Variants in PRKRIP1 observed in about 807,000 individuals in gnomAD.
PRKRIP1 encodes PRKR interacting protein 1, also known as PRKR-interacting protein 1.
A neutral mutation model predicts 29.3 loss-of-function variants in PRKRIP1; 29 were observed. The ratio of observed to expected loss-of-function variants is 0.99; its 90% confidence interval spans 0.74 to 1.35. PRKRIP1 has a LOEUF of 1.35. Ranked by LOEUF, PRKRIP1 falls within the 40% of genes most tolerant of loss-of-function variation. The probability of loss-of-function intolerance (pLI) is 0.00; values close to 1 mark genes in which losing one functional copy is unlikely to be tolerated. For synonymous variants in PRKRIP1, 90 were observed against 85.1 expected, an observed-to-expected ratio of 1.06 and a Z score of -0.32; for missense variants, 247 against 236.8, an observed-to-expected ratio of 1.04 and a Z score of -0.28.
chr7:102,409,710 T>C (rs1481893941), intron 5 of PRKRIP1, among the ~76,000 whole-genome samples: 2 of 151,418 alleles, frequency 1.3e-5, no homozygotes, highest in Admixed American at 6.6e-5. Context: ...TGTCGTCCTA[T>C]CTAGTCTGGA....
In PRKRIP1 at chr7:102,423,070, A is replaced by G. The variant is rs117857127; in HGVS notation, c.458-1944A>G. The stretch of plus-strand genomic sequence containing the variant: ...GCTCCCTTCCACAAACATCCAGCTC[A>G]ACGAGTATTGTATTCATCAGAAGCA... On this transcript the variant is annotated intron_variant, in intron 5 of 5. Transcript: ENST00000397912. 9.1e-4 allele frequency: 400 copies of G among 439,202 alleles called. 2 individuals are homozygous for G. In the East Asian group the frequency reaches 0.022, roughly 24 times the overall value. The allele number at this position is 439,202 out of a possible 1,614,324, so 27.2% of individuals were successfully genotyped here.
intron 5 of PRKRIP1, among the ~76,000 whole-genome samples, chr7:102,420,871 G>A (rs1312897357): frequency 6.6e-6 from 1 of 152,124 alleles, no homozygotes; most frequent in Non-Finnish European, 1.5e-5. Context: ...GTCTCCCAGG[G>A]ACAGAAGACC....
chr7:102,401,098 T>C (rs1344817231), intron 3 of PRKRIP1, among the ~76,000 whole-genome samples: 5 of 152,116 alleles, frequency 3.3e-5, no homozygotes, highest in Non-Finnish European at 5.9e-5. Context: ...AGTGGAGGAA[T>C]AGATGTATGA....
intron 5 of PRKRIP1, among the ~76,000 whole-genome samples, chr7:102,422,390 A>C (rs2133205837): frequency 6.7e-6 from 1 of 150,104 alleles, no homozygotes; most frequent in Non-Finnish European, 1.5e-5. Context: ...GCTAGAGTGA[A>C]GTGGCATGAT....
rs145377613 is a variant in PRKRIP1, at chr7:102,412,365, G to C, written c.457+4867G>C. ...AGCCCAGAAGTTTGAGACCAGCCTG[G>C]TCAACAAAATGAGACCCCATCCCTA... On this transcript the variant is annotated intron_variant, in intron 5 of 5. Coordinates refer to ENST00000397912, the MANE Select transcript of PRKRIP1 (RefSeq NM_024653.4). Among the ~76,000 whole-genome samples, 426 of 152,124 alleles carry C rather than the reference G, an allele frequency of 2.8e-3. 2 individuals carry two copies. Among genetic ancestry groups the C allele is most frequent in the African/African-American group, 9.8e-3 (406 of 41,492 alleles).
chr7:102,418,408 T>G (rs1796609721), intron 5 of PRKRIP1, among the ~76,000 whole-genome samples: 1 of 152,170 alleles, frequency 6.6e-6, no homozygotes. Context: ...GTCTGGGGAC[T>G]AGGCATGTTC....
At chr7:102,409,342 A>G (rs1462434537) in intron 5 of PRKRIP1, among the ~76,000 whole-genome samples, 1 of 152,182 alleles carries the variant, frequency 6.6e-6, no homozygotes, top group Non-Finnish European at 1.5e-5. Flanking sequence ...CTCATCTCTC[A>G]AATAAAGTAC....
At position 102,399,640 on chromosome 7, in the gene PRKRIP1, G is replaced by C; in HGVS notation, c.298G>C (p.Ala100Pro). ...YQRQDYMDAM[A>P]EKQKLDAEFQ... is the part of the protein sequence containing the mutation. ...GCGACAGGACTACATGGATGCCATG[G>C]CTGAGAAGGTCAGTGAGCCAGAAGG... Residue 100 changes from alanine to proline, a missense_variant, in exon 3 of 6, where the codon GCT becomes CCT. Physicochemically the swap from Ala to Pro is conservative, Grantham distance 27. Coordinates refer to ENST00000397912, the MANE Select transcript of PRKRIP1 (RefSeq NM_024653.4). 1.2e-6 allele frequency: 2 copies of C among 1,612,998 alleles called. No individual in the cohort carries two copies. Among genetic ancestry groups the C allele is most frequent in the Non-Finnish European group, 1.7e-6 (2 of 1,179,040 alleles).
At chr7:102,406,958 G>C (rs1358149018) in intron 4 of PRKRIP1, among the ~76,000 whole-genome samples, 2 of 151,918 alleles carry the variant, frequency 1.3e-5, no homozygotes, top group East Asian at 3.8e-4. Context: ...GCTCACACCC[G>C]TAATCCCAGC....
chr7:102,404,193 G>T (rs1228776585), intron 3 of PRKRIP1, among the ~76,000 whole-genome samples: 1 of 152,084 alleles, frequency 6.6e-6, no homozygotes, highest in Non-Finnish European at 1.5e-5. Flanking sequence ...CAGCCATTTG[G>T]TAACTATGGT....
At chr7:102,398,858 G>A (rs185548943) in intron 2 of PRKRIP1, among the ~76,000 whole-genome samples, 5 of 152,288 alleles carry the variant, frequency 3.3e-5, no homozygotes, top group East Asian at 1.9e-4. Context: ...GGCCAGGCAC[G>A]GTGGCTCGTG....
At chr7:102,396,671 T>C in intron 1 of PRKRIP1, 134 bp downstream of exon 1, 1 of 934,670 alleles carries the variant, frequency 1.1e-6, no homozygotes, top group Non-Finnish European at 1.6e-6. Context: ...AAGAGCAGTC[T>C]TTGGGGAGGA....
intron 5 of PRKRIP1, among the ~76,000 whole-genome samples, chr7:102,412,293 A>G (rs1796408932): frequency 6.6e-6 from 1 of 152,222 alleles, no homozygotes; most frequent in Non-Finnish European, 1.5e-5. Flanking sequence ...TCTGGCTCAC[A>G]TCTGTAATCC....
chr7:102,416,991 G>A (rs1487054728), intron 5 of PRKRIP1, among the ~76,000 whole-genome samples: 1 of 152,066 alleles, frequency 6.6e-6, no homozygotes, highest in Non-Finnish European at 1.5e-5. Context: ...GAGTAGCTGG[G>A]ACTACAGGCA....
At chr7:102,396,913 G>A (rs141191238) in intron 1 of PRKRIP1, among the ~76,000 whole-genome samples, 22 of 152,256 alleles carry the variant, frequency 1.4e-4, no homozygotes, top group African/African-American at 5.3e-4. Flanking sequence ...GACGTTTGGA[G>A]CTGGTCACTC....
intron 3 of PRKRIP1, 138 bp downstream of exon 3, chr7:102,399,786 G>A: frequency 1.6e-6 from 1 of 623,266 alleles, no homozygotes; most frequent in Non-Finnish European, 2.8e-6. Context: ...CGAGGCAGGG[G>A]ATCACCTGAG....
At chr7:102,401,234 TAG>T (rs1554571138) in intron 3 of PRKRIP1, among the ~76,000 whole-genome samples, 2 of 152,128 alleles carry the variant, frequency 1.3e-5, no homozygotes, top group Non-Finnish European at 2.9e-5. Context: ...GATAGATCAA[TAG>T]GTGTGTGATA....
intron 3 of PRKRIP1, among the ~76,000 whole-genome samples, chr7:102,404,206 G>C (rs944000182): frequency 6.6e-6 from 1 of 152,182 alleles, no homozygotes. Context: ...ACTATGGTTG[G>C]GCTTAGGGCT....
chr7:102,412,728 C>G (rs1796422247), intron 5 of PRKRIP1, among the ~76,000 whole-genome samples: 1 of 152,142 alleles, frequency 6.6e-6, no homozygotes, highest in Non-Finnish European at 1.5e-5. Context: ...TGGATGGACT[C>G]AGAGGCACAG....
Sources: allele counts gnomAD v4.1 joint callset (sites outside exome capture counted in the v4.1 genomes callset), GRCh38; gene constraint gnomAD v4.1.1; transcripts MANE v1.5; gene names NCBI Gene and HGNC (gene_info 2026-07-23, HGNC 2026-07-21).